The following SPAG9 variants were observed in gnomAD, a reference collection of about 807,000 sequenced individuals.
The protein encoded by SPAG9 is sperm associated antigen 9.
SPAG9 carries 35 observed loss-of-function variants against 166.5 expected under a neutral mutation model. The observed-to-expected ratio is 0.21, with a 90% CI of 0.16 to 0.28. SPAG9 has a LOEUF of 0.28. Among genes scored for constraint, SPAG9 ranks in the 10% least tolerant of loss-of-function variants. The pLI is 1.00. For missense variants in SPAG9, 1,235 were observed against 1,603.3 expected, an observed-to-expected ratio of 0.77 and a Z score of 3.92; for synonymous variants, 534 against 565.5, an observed-to-expected ratio of 0.94 and a Z score of 0.79.
intron 12 of SPAG9, 89 bp downstream of exon 12, chr17:51,005,123 G>T: frequency 9.4e-7 from 1 of 1,063,562 alleles, no homozygotes; most frequent in Non-Finnish European, 1.4e-6. Context: ...AATCTTTATA[G>T]TATTATATCC....
rs540568484 is a variant in SPAG9, at chr17:51,063,898, A to G, written c.425-7416T>C. On this transcript the variant is annotated intron_variant, in intron 2 of 29. Transcript: ENST00000262013. ...CTCCATCTCAAAAATAAATAAATAA[A>G]TAAGTAAGTAAGTAAGTAAGTAAAA... Among the ~76,000 whole-genome samples, 86 of 152,262 alleles carry G rather than the reference A, an allele frequency of 5.6e-4. 1 individual carries two copies. The South Asian group carries it at 6.4e-3, about 11-fold the overall frequency.
intron 1 of SPAG9, among the ~76,000 whole-genome samples, chr17:51,098,761 G>A (rs1041979366): frequency 2.6e-5 from 4 of 151,720 alleles, no homozygotes; most frequent in African/African-American, 9.7e-5. Flanking sequence ...CAAAGTGCTG[G>A]GACTATAGGC....
intron 2 of SPAG9, among the ~76,000 whole-genome samples, chr17:51,072,371 C>G (rs918308828): frequency 1.0e-4 from 15 of 148,420 alleles, no homozygotes; most frequent in Admixed American, 8.8e-4. Flanking sequence ...CGCGCCTGGT[C>G]TCATATTTTA....
At chr17:51,096,763 A>G (rs2048660380) in intron 1 of SPAG9, among the ~76,000 whole-genome samples, 1 of 152,248 alleles carries the variant, frequency 6.6e-6, no homozygotes, top group South Asian at 2.1e-4. Context: ...AACAGGTAAA[A>G]AAAAATAAAA....
At chr17:50,982,762 T>A (rs539832789) in intron 24 of SPAG9, 90 bp from the exon 25 acceptor site, 164 of 1,202,734 alleles carry the variant, frequency 1.4e-4, no homozygotes, top group Non-Finnish European at 4.1e-5. Context: ...TATAATTAAA[T>A]TTATTGAGGA....
rs770914202 is a variant in SPAG9, at chr17:50,977,250, G to A, written c.3410-29C>T. The A allele has an allele frequency of 3.7e-6, 5 of 1,355,632 alleles. No individual in the cohort carries two copies. In the South Asian group the frequency reaches 5.9e-5, roughly 16 times the overall value. The allele number at this position is 1,355,632 out of a possible 1,614,324, so 84.0% of individuals were successfully genotyped here. On this transcript the variant is annotated intron_variant, in intron 26 of 29. Transcript: ENST00000262013. ...TAAAGAAAGGAGGGAACACGTTATT[G>A]AGAAACTAAAGCAGACAGTGTTTTA...
chr17:51,065,589 A>C (rs2047640229), intron 2 of SPAG9, among the ~76,000 whole-genome samples: 1 of 152,194 alleles, frequency 6.6e-6, no homozygotes, highest in Non-Finnish European at 1.5e-5. Context: ...CCTTTGCCTC[A>C]ACACTTGGGC....
chr17:51,056,612 T>A (rs906482241), intron 2 of SPAG9, 130 bp from the exon 3 acceptor site: 5 of 622,940 alleles, frequency 8.0e-6, no homozygotes, highest in Non-Finnish European at 1.4e-5. Context: ...TATGCAAGTC[T>A]TCACAAAGCA....
In SPAG9 at chr17:51,097,919, C is replaced by G. The variant is rs1432690698; in HGVS notation, c.304-18215G>C. On this transcript the variant is annotated intron_variant, in intron 1 of 29. Coordinates refer to ENST00000262013, the MANE Select transcript of SPAG9 (RefSeq NM_001130528.3). ...CTCACTGCAACCTCGACCTTCAGGG[C>G]TCAAGCAATCCTCCTGCCTCAGCCT... 2.0e-5 allele frequency among the ~76,000 whole-genome samples: 3 copies of G among 152,104 alleles called. No individual in the cohort carries two copies. In the East Asian group the frequency reaches 5.8e-4, roughly 29 times the overall value.
intron 20 of SPAG9, chr17:50,990,144 C>T: frequency 1.9e-6 from 1 of 524,932 alleles, no homozygotes; most frequent in Admixed American, 3.2e-5. Context: ...TCTCCTGCCT[C>T]AGCCTCCCGA....
rs370503451 is a variant in SPAG9 at position 50,982,555 on chromosome 17, T to C, written c.3206A>G (p.Tyr1069Cys). ...TTTCATGGCCTTTGGCTGCACCACA[T>C]AGATTTTGTTCCTATAGCCACACCA... Reference protein sequence around the residue: ...KVWCGYRNKIYVVQPKAMKIE... With the variant: ...KVWCGYRNKICVVQPKAMKIE... The change falls in exon 25 of 30, where the codon TAT becomes TGT. Residue 1069 changes from tyrosine to cysteine, a missense_variant. Physicochemically the swap from Tyr to Cys is radical, Grantham distance 194 (BLOSUM62 -2). Around this residue, in one of 6 missense-constraint regions of SPAG9, gnomAD observed 243 missense variants for 358.6 expected, o/e 0.68. Transcript: ENST00000262013. The C allele has an allele frequency of 5.6e-6, 9 of 1,613,150 alleles. No individual in the cohort carries two copies. In the African/African-American group the frequency reaches 9.3e-5, roughly 17 times the overall value.
At position 51,087,306 on chromosome 17, in the gene SPAG9, A is replaced by G. The variant is rs191187703; in HGVS notation, c.304-7602T>C. The stretch of plus-strand genomic sequence containing the variant: ...GCATAGCTCTATATAGCAATTAGCA[A>G]TCATGTGAAAGTGGGAAACATTGAT... On this transcript the variant is annotated intron_variant, in intron 1 of 29. Coordinates refer to ENST00000262013, the MANE Select transcript of SPAG9 (RefSeq NM_001130528.3). Among the ~76,000 whole-genome samples, 74 of 152,336 alleles carry G rather than the reference A, an allele frequency of 4.9e-4. No homozygotes were observed. The East Asian group carries it at 0.013, about 27-fold the overall frequency.
chr17:51,020,106 G>A (rs532730757), intron 8 of SPAG9, 53 bp downstream of exon 8: 2 of 1,025,604 alleles, frequency 2.0e-6, no homozygotes, highest in Admixed American at 3.6e-5. Flanking sequence ...CAGTGTTTAT[G>A]GGAGTTGGGG....
Position 51,079,649 on chromosome 17 carries a change from C to T in SPAG9, c.359G>A (p.Arg120Gln), listed in dbSNP as rs768620592. 7.4e-6 allele frequency: 12 copies of T among 1,611,002 alleles called. No individual in the cohort carries two copies. The highest frequency in any genetic ancestry group is 4.5e-5 in the East Asian group (2 of 44,876). ...QEQEKKDLQTRVESLESQTRQ... is the reference protein window; with the variant it reads ...QEQEKKDLQTQVESLESQTRQ... ...TGTTTGAGATTCTAAAGATTCCACT[C>T]GGGTCTGTAAGTCCTTTTTTTCCTG... The change falls in exon 2 of 30, where the codon CGA (arginine) becomes CAA (glutamine). Residue 120 changes from arginine (R) to glutamine (Q), a missense_variant. Physicochemically the swap from Arg to Gln is conservative, Grantham distance 43. This residue lies in a region of SPAG9 where 288 missense variants were observed against 323.7 expected (regional missense o/e 0.89). Transcript: ENST00000262013.
Position 50,974,964 on chromosome 17 carries a change from A to C in SPAG9, c.3524-17T>G. 2 of 1,607,508 alleles carry C rather than the reference A, an allele frequency of 1.2e-6. No individual in the cohort carries two copies. The highest frequency in any genetic ancestry group is 1.7e-6 in the Non-Finnish European group (2 of 1,177,730). On this transcript the variant is annotated splice_polypyrimidine_tract_variant and intron_variant, in intron 27 of 29. Transcript: ENST00000262013. The stretch of plus-strand genomic sequence containing the variant: ...TTTTATTTGCTGCAACAGAAAAACC[A>C]AATACCAAATATTTTCCCCTAGAAA...
chr17:51,061,612 C>CAAAAAAAAAAAAAAAAAAAA (rs34010166), intron 2 of SPAG9, among the ~76,000 whole-genome samples: 1 of 31,726 alleles, frequency 3.2e-5, no homozygotes, highest in African/African-American at 1.0e-4. Context: ...GCTCTGTCTC[C>CAAAAAAAAAAAAAAAAAAAA]AAAAAAAAAA....
intron 6 of SPAG9, among the ~76,000 whole-genome samples, chr17:51,026,320 GAAAAA>G (rs55851511): frequency 7.8e-5 from 7 of 89,366 alleles, no homozygotes; most frequent in African/African-American, 2.9e-4. Context: ...GGTGAAAAGA[GAAAAA>G]AAAAAAAAAA....
intron 19 of SPAG9, 79 bp downstream of exon 19, chr17:50,993,685 G>A (rs1408700144): frequency 4.2e-5 from 59 of 1,407,614 alleles, no homozygotes; most frequent in East Asian, 2.3e-5. Context: ...GTGCAGAACT[G>A]CATCTTCAGC....
chr17:50,985,621 A>G (rs1974994028), intron 23 of SPAG9, 77 bp downstream of exon 23: 5 of 772,796 alleles, frequency 6.5e-6, no homozygotes, highest in Non-Finnish European at 8.5e-6. Context: ...AACATGTATT[A>G]GCTTTCAAAG....
Sources: gnomAD v4.1 joint callset for allele counts (sites outside exome capture counted in the v4.1 genomes callset) on GRCh38, gnomAD v4.1.1 for gene constraint, gnomAD v4.1.1 regional missense constraint, MANE v1.5 for transcripts, NCBI Gene and HGNC (gene_info 2026-07-23, HGNC 2026-07-21) for gene names.